Variants in ERC2 observed in about 807,000 individuals in gnomAD.
ERC2 encodes ELKS/RAB6-interacting/CAST family member 2.
In ERC2, 42 loss-of-function variants were observed where a neutral mutation model predicts 114.8. The ratio of observed to expected loss-of-function variants is 0.37; its 90% CI spans 0.29 to 0.47. The LOEUF (loss-of-function observed/expected upper bound fraction) is 0.47. Among genes scored for constraint, ERC2 ranks in the 20% least tolerant of loss-of-function variants. The probability of loss-of-function intolerance (pLI) is 0.99; values close to 1 mark genes in which losing one functional copy is unlikely to be tolerated. For missense variants in ERC2, 939 were observed against 1,150.7 expected, an observed-to-expected ratio of 0.82 and a Z score of 2.66; for synonymous variants, 454 against 425.5, an observed-to-expected ratio of 1.07 and a Z score of -0.82.
rs550704128 is a variant in ERC2, at chr3:56,370,596, T to G, written c.657+63755A>C. On this transcript the variant is annotated intron_variant, in intron 2 of 17. Transcript: ENST00000288221. ...TTGGGTTTTGGTGGGGGTTTTTTTG[T>G]TTTTTTTTTTTTTTTTGAGACAGAG... Among the ~76,000 whole-genome samples the G allele has an allele frequency of 5.5e-3, 361 of 66,222 alleles. 2 individuals are homozygous for G. The highest frequency in any genetic ancestry group is 0.025 in the Admixed American group (154 of 6,122). 43.4% of individuals were successfully genotyped at this position (66,222 alleles called of 152,430 possible). A position where few individuals can be genotyped will look rare whatever the true frequency, so the allele number is the denominator to read the frequency against.
At chr3:56,100,703 T>C (rs2078305563) in intron 6 of ERC2, among the ~76,000 whole-genome samples, 1 of 152,214 alleles carries the variant, frequency 6.6e-6, no homozygotes, top group Non-Finnish European at 1.5e-5. Flanking sequence ...TTCTGAAACA[T>C]CTTTCCTCAG....
At chr3:56,412,777 G>C (rs1372433641) in intron 2 of ERC2, among the ~76,000 whole-genome samples, 1 of 152,192 alleles carries the variant, frequency 6.6e-6, no homozygotes, top group East Asian at 1.9e-4. Context: ...GTCAATACAT[G>C]TGCCTGGTAT....
At chr3:56,143,363 C>T (rs1484441451) in intron 5 of ERC2, among the ~76,000 whole-genome samples, 1 of 152,170 alleles carries the variant, frequency 6.6e-6, no homozygotes, top group Non-Finnish European at 1.5e-5. Context: ...ACCCAAATCT[C>T]ATCTTGAATT....
intron 4 of ERC2, among the ~76,000 whole-genome samples, chr3:56,172,980 A>T (rs9827698): frequency 0.35 from 53,319 of 152,056 alleles, 10,412 homozygotes; most frequent in Middle Eastern, 0.47. Flanking sequence ...TACTGGGGTC[A>T]CCAGAAAGTA....
At position 55,567,068 on chromosome 3, in the gene ERC2, C is replaced by G. The variant is rs533726141; in HGVS notation, c.*40-55792G>C. On this transcript the variant is annotated intron_variant, in intron 17 of 17. Transcript: ENST00000288221. ...TATTCCAAGTGCTGGAAATCCAGAG[C>G]GAAATAAGAGAAGACCATATTCTCA... is the stretch of plus-strand genomic sequence containing the variant. Among the ~76,000 whole-genome samples, 3 of 152,116 alleles carry G rather than the reference C, an allele frequency of 2.0e-5. No homozygotes were observed. The South Asian group carries it at 6.2e-4, about 32-fold the overall frequency.
chr3:55,705,528 G>A (rs1297799764), intron 15 of ERC2, among the ~76,000 whole-genome samples: 8 of 152,164 alleles, frequency 5.3e-5, no homozygotes, highest in Non-Finnish European at 1.0e-4. Context: ...AGGAATTTAA[G>A]ACAGAGCCAC....
At chr3:55,961,704 T>C (rs1472230459) in intron 12 of ERC2, among the ~76,000 whole-genome samples, 2 of 130,530 alleles carry the variant, frequency 1.5e-5, no homozygotes, top group Non-Finnish European at 3.4e-5. Flanking sequence ...TTATGTGAAT[T>C]CTTAAAATTA....
At chr3:55,645,565 G>GA (rs1411201658) in intron 17 of ERC2, among the ~76,000 whole-genome samples, 2 of 152,078 alleles carry the variant, frequency 1.3e-5, no homozygotes, top group Non-Finnish European at 2.9e-5. Context: ...TGCATCTTTT[G>GA]AAAAATGTGC....
At position 55,624,743 on chromosome 3, in the gene ERC2, G is replaced by C. The variant is rs147269425; in HGVS notation, c.*39+59051C>G. On this transcript the variant is annotated intron_variant, in intron 17 of 17. Transcript: ENST00000288221. ...ATGGAAAGCACTTAGCACAAGGTCT[G>C]CTCATCCCAAAGTGGTCAATAAATG... 4.6e-5 allele frequency among the ~76,000 whole-genome samples: 7 copies of C among 152,266 alleles called. No individual in the cohort carries two copies. In the East Asian group the frequency reaches 1.4e-3, roughly 29 times the overall value.
chr3:55,962,370 T>C (rs990004160), intron 12 of ERC2, among the ~76,000 whole-genome samples: 1 of 152,240 alleles, frequency 6.6e-6, no homozygotes, highest in African/African-American at 2.4e-5. Context: ...TAACTTTGCC[T>C]CTACTTTCTC....
At chr3:56,040,611 A>AATATATAGATGTACATGTATATATAC (rs2075105438) in intron 7 of ERC2, among the ~76,000 whole-genome samples, 1 of 33,108 alleles carries the variant, frequency 3.0e-5, no homozygotes. Flanking sequence ...ATGTATATAT[A>AATATATAGATGTACATGTATATATAC]ATATATAGAT....
Position 56,010,378 on chromosome 3 carries a change from T to A in ERC2, c.1920+71A>T, listed in dbSNP as rs1023631467. 4 of 1,532,680 alleles carry A rather than the reference T, an allele frequency of 2.6e-6. No individual in the cohort carries two copies. The African/African-American group carries it at 5.5e-5, about 21-fold the overall frequency. 94.9% of individuals were successfully genotyped at this position (1,532,680 alleles called of 1,614,324 possible). On this transcript the variant is annotated intron_variant, in intron 9 of 17. Coordinates refer to ENST00000288221, the MANE Select transcript of ERC2 (RefSeq NM_015576.3). ...ACAGTGCCTCCTACTAAGTCTCTAG[T>A]CTCTTGCAGCTTCATTGAATATGGG...
intron 17 of ERC2, among the ~76,000 whole-genome samples, chr3:55,683,197 T>C (rs1038840035): frequency 6.6e-6 from 1 of 152,374 alleles, no homozygotes; most frequent in African/African-American, 2.4e-5. Flanking sequence ...TCTATTCTAA[T>C]TCATTTAAAG....
intron 3 of ERC2, among the ~76,000 whole-genome samples, chr3:56,248,262 T>A (rs556738494): frequency 5.3e-5 from 8 of 152,210 alleles, no homozygotes; most frequent in South Asian, 2.1e-4. Flanking sequence ...CCAGGTAATT[T>A]AAAAAATTTT....
At chr3:56,456,195 CA>C in intron 1 of ERC2, among the ~76,000 whole-genome samples, 1 of 152,172 alleles carries the variant, frequency 6.6e-6, no homozygotes, top group Non-Finnish European at 1.5e-5. Flanking sequence ...ATGAAATTCC[CA>C]GTGAGGTGAA....
At chr3:56,095,518 C>G (rs1016406043) in intron 6 of ERC2, among the ~76,000 whole-genome samples, 3 of 152,148 alleles carry the variant, frequency 2.0e-5, no homozygotes, top group African/African-American at 7.2e-5. Flanking sequence ...AGAACATTTG[C>G]TTGTGTGCAC....
chr3:55,612,277 C>A (rs1172530041), intron 17 of ERC2, among the ~76,000 whole-genome samples: 1 of 152,192 alleles, frequency 6.6e-6, no homozygotes, highest in African/African-American at 2.4e-5. Flanking sequence ...TCCACTTACA[C>A]CATAGACAAG....
intron 14 of ERC2, among the ~76,000 whole-genome samples, chr3:55,777,076 T>TAA (rs113261536): frequency 0.15 from 22,734 of 149,412 alleles, 1,893 homozygotes; most frequent in East Asian, 0.22. Flanking sequence ...TAAAAATACA[T>TAA]AAAAAAAAAA....
chr3:55,568,295 C>T (rs2056498637), intron 17 of ERC2, among the ~76,000 whole-genome samples: 4 of 152,158 alleles, frequency 2.6e-5, no homozygotes, highest in Admixed American at 2.6e-4. Context: ...TGCCCTGGTT[C>T]AACTTGGCCG....
Sources: allele counts gnomAD v4.1 joint callset (sites outside exome capture counted in the v4.1 genomes callset), GRCh38; gene constraint gnomAD v4.1.1; transcripts MANE v1.5; gene names NCBI Gene and HGNC (gene_info 2026-07-23, HGNC 2026-07-21).